The following NUP214 variants were observed in gnomAD, a reference collection of about 807,000 sequenced individuals.
NUP214 encodes nuclear pore complex protein Nup214.
In NUP214, 79 loss-of-function variants were observed where a neutral mutation model predicts 196.2. The ratio of observed to expected loss-of-function variants is 0.40; its 90% confidence interval spans 0.34 to 0.49. NUP214 has a LOEUF of 0.49. Ranked by LOEUF, NUP214 falls within the 20% of genes least tolerant of loss-of-function variation. The pLI, the probability that NUP214 is intolerant of heterozygous loss-of-function variation, is 0.58. For synonymous variants in NUP214, 1,020 were observed against 990.5 expected (o/e 1.03, Z -0.56); for missense variants, 2,468 against 2,539.0 (o/e 0.97, Z 0.60).
At position 131,159,504 on chromosome 9, in the gene NUP214, T is replaced by A. The variant is rs772245164; in HGVS notation, c.2540+18T>A. The A allele has an allele frequency of 1.3e-6, 2 of 1,552,662 alleles. No homozygotes were observed. The highest frequency in any genetic ancestry group is 1.7e-5 in the Admixed American group (1 of 59,822). On this transcript the variant is annotated intron_variant, in intron 18 of 35. Coordinates refer to ENST00000359428, the MANE Select transcript of NUP214 (RefSeq NM_005085.4). Reference sequence around the variant, plus strand: ...AAACAAAGGTGAATGAGATCTCTCATCTGCAATGTGTTGGAATAGATATTG... The same window carrying A: ...AAACAAAGGTGAATGAGATCTCTCAACTGCAATGTGTTGGAATAGATATTG...
chr9:131,134,926 T>C lies in NUP214; in HGVS notation c.860T>C (p.Phe287Ser). 1 of 1,613,834 alleles carries C rather than the reference T, an allele frequency of 6.2e-7. No homozygotes were observed. Among genetic ancestry groups the C allele is most frequent in the South Asian group, 1.1e-5 (1 of 91,074 alleles). ...PKKEEKHPEIFVNFMEPCYGS... is the reference protein window; with the variant it reads ...PKKEEKHPEISVNFMEPCYGS... Reference sequence around the variant, plus strand: ...AAAGAAGAAAAGCACCCAGAGATATTTGTGAACTTTATGGAGCCCTGTTAT... The same window carrying C: ...AAAGAAGAAAAGCACCCAGAGATATCTGTGAACTTTATGGAGCCCTGTTAT... Residue 287 changes from phenylalanine to serine, a missense_variant, in exon 8 of 36, where the codon TTT becomes TCT. By Grantham distance (155) the Phe-to-Ser change is radical. This residue lies in a region of NUP214 where 392 missense variants were observed against 417.9 expected (regional missense o/e 0.94). Transcript: ENST00000359428.
chr9:131,215,102 T>C, intron 30 of NUP214, 110 bp from the exon 31 acceptor site: 1 of 990,406 alleles, frequency 1.0e-6, no homozygotes, highest in Non-Finnish European at 1.4e-6. Flanking sequence ...AGAACTAATC[T>C]TGCTTTTTCC....
At chr9:131,137,278 C>T (rs1393565176) in intron 9 of NUP214, among the ~76,000 whole-genome samples, 2 of 152,152 alleles carry the variant, frequency 1.3e-5, no homozygotes, top group Non-Finnish European at 2.9e-5. Flanking sequence ...ATCACCCCTG[C>T]CCTACCTGTT....
intron 29 of NUP214, among the ~76,000 whole-genome samples, chr9:131,200,856 A>G (rs1484215372): frequency 2.0e-5 from 3 of 151,920 alleles, no homozygotes; most frequent in Non-Finnish European, 4.4e-5. Flanking sequence ...AGAAAGATAA[A>G]CTACCCTGAA....
chr9:131,134,116 T>A (rs1357934707), intron 7 of NUP214, among the ~76,000 whole-genome samples: 1 of 152,164 alleles, frequency 6.6e-6, no homozygotes, highest in Non-Finnish European at 1.5e-5. Flanking sequence ...CCAGCTGTTT[T>A]TAAATTTTTC....
intron 7 of NUP214, among the ~76,000 whole-genome samples, 183 bp from the exon 8 acceptor site, chr9:131,134,715 C>T (rs912820756): frequency 1.8e-4 from 27 of 152,052 alleles, no homozygotes; most frequent in African/African-American, 6.3e-4. Flanking sequence ...AAATGCAGTT[C>T]GGTTGATGGC....
At chr9:131,200,924 A>G (rs1466473180) in intron 29 of NUP214, among the ~76,000 whole-genome samples, 1 of 151,808 alleles carries the variant, frequency 6.6e-6, no homozygotes, top group East Asian at 1.9e-4. Context: ...TCATAATATT[A>G]AGTCATTAGA....
At chr9:131,213,555 A>G (rs1358128951) in intron 30 of NUP214, among the ~76,000 whole-genome samples, 1 of 152,090 alleles carries the variant, frequency 6.6e-6, no homozygotes, top group African/African-American at 2.4e-5. Context: ...TATACTGGCA[A>G]TTTTCTGTGT....
intron 30 of NUP214, among the ~76,000 whole-genome samples, chr9:131,213,751 C>CTGCTGTTGTTGTTGT (rs1554740988): frequency 6.8e-6 from 1 of 147,532 alleles, no homozygotes. Context: ...TGAATTGGTA[C>CTGCTGTTGTTGTTGT]TGTTGTTGTT....
chr9:131,198,262 G>A lies in NUP214; in HGVS notation c.4768G>A (p.Val1590Met), dbSNP rs759638106. The change falls in exon 29 of 36, where the codon GTG becomes ATG. Residue 1590 changes from valine to methionine, a missense_variant. Coordinates refer to ENST00000359428, the MANE Select transcript of NUP214 (RefSeq NM_005085.4). ...AGTACCACCTGCTTCCTCCTTTTCT[G>A]TGCCTGGGCAGACTGCTGTCACAGC... ...EAVPPASSFS[V>M]PGQTAVTAAA... is the part of the protein sequence containing the mutation. 1.2e-6 allele frequency: 2 copies of A among 1,614,182 alleles called. No homozygotes were observed. The highest frequency in any genetic ancestry group is 3.3e-5 in the Admixed American group (2 of 60,022).
In NUP214 at chr9:131,202,580, C is replaced by G. The variant is rs1833969389; in HGVS notation, c.5592+863C>G. Among the ~76,000 whole-genome samples, 4 of 151,798 alleles carry G rather than the reference C, an allele frequency of 2.6e-5. No individual in the cohort carries two copies. The South Asian group carries it at 8.3e-4, about 32-fold the overall frequency. ...CTGGGACTATAGGTTTGTGCCACCA[C>G]ACCCAGCTATTTTTTTTTTTCTTTT... On this transcript the variant is annotated intron_variant, in intron 30 of 35. Coordinates refer to ENST00000359428, the MANE Select transcript of NUP214 (RefSeq NM_005085.4).
Position 131,215,354 on chromosome 9 carries a change from C to T in NUP214, c.5735C>T (p.Ser1912Phe). Residue 1912 changes from serine (S) to phenylalanine (F), a missense_variant, in exon 31 of 36, where the codon TCC (serine) becomes TTC (phenylalanine). This residue lies in a region of NUP214 where 262 missense variants were observed against 296.5 expected (regional missense o/e 0.88). Coordinates refer to ENST00000359428, the MANE Select transcript of NUP214 (RefSeq NM_005085.4). The stretch of plus-strand genomic sequence containing the variant: ...AGCTCGGCCAGTGGGGGCTTTGGAT[C>T]CACAGCTACCTCAAGTAAGTTGAGA... ...PFSSASGGFGSTATSNTSNLF... is the reference protein window; with the variant it reads ...PFSSASGGFGFTATSNTSNLF... 3 of 1,597,524 alleles carry T rather than the reference C, an allele frequency of 1.9e-6. No homozygotes were observed. The highest frequency in any genetic ancestry group is 2.6e-6 in the Non-Finnish European group (3 of 1,172,170).
chr9:131,155,498 C>G (rs1026226753), intron 17 of NUP214, among the ~76,000 whole-genome samples: 2 of 152,108 alleles, frequency 1.3e-5, no homozygotes, highest in Non-Finnish European at 2.9e-5. Flanking sequence ...TAAGTCCCAT[C>G]TATTTACCTT....
rs773190754 is a variant in NUP214 at position 131,163,180 on chromosome 9, A to G, written c.2723+7A>G. 23 of 1,605,726 alleles carry G rather than the reference A, an allele frequency of 1.4e-5. No homozygotes were observed. Among genetic ancestry groups the G allele is most frequent in the Non-Finnish European group, 1.9e-5 (22 of 1,177,316 alleles). ...CCCAGAGCAGCATTCACAGGTGTGG[A>G]GAGGACTTGCACTCAATAAATATGG... On this transcript the variant is annotated splice_region_variant and intron_variant, in intron 19 of 35. Transcript: ENST00000359428.
intron 13 of NUP214, among the ~76,000 whole-genome samples, 164 bp from the exon 14 acceptor site, chr9:131,147,326 A>G (rs1183774421): frequency 6.6e-6 from 1 of 152,158 alleles, no homozygotes; most frequent in Non-Finnish European, 1.5e-5. Flanking sequence ...ATCTTAGAAC[A>G]GAGGCTAGCA....
chr9:131,229,205 A>G (rs760111673), intron 33 of NUP214: 2 of 154,700 alleles, frequency 1.3e-5, no homozygotes, highest in East Asian at 1.9e-4. Flanking sequence ...AAAATAAACT[A>G]TAGTATGTTC....
chr9:131,182,838 A>G (rs995291145), intron 24 of NUP214, among the ~76,000 whole-genome samples: 4 of 151,888 alleles, frequency 2.6e-5, no homozygotes, highest in African/African-American at 9.7e-5. Flanking sequence ...CTATGACTCT[A>G]TTTTAACTTT....
At chr9:131,130,101 A>G (rs1831485473) in intron 4 of NUP214, among the ~76,000 whole-genome samples, 1 of 148,260 alleles carries the variant, frequency 6.7e-6, no homozygotes, top group Non-Finnish European at 1.5e-5. Flanking sequence ...AGCATTTTAA[A>G]TATTAAATGG....
chr9:131,210,519 C>T (rs184497105), intron 30 of NUP214, among the ~76,000 whole-genome samples: 26 of 151,476 alleles, frequency 1.7e-4, no homozygotes, highest in Admixed American at 2.6e-4. Context: ...CCCAGCTACT[C>T]GGGAGGTTGA....
Sources: allele counts gnomAD v4.1 joint callset (sites outside exome capture counted in the v4.1 genomes callset), GRCh38; gene constraint gnomAD v4.1.1; regional missense constraint gnomAD v4.1.1; transcripts MANE v1.5; gene names NCBI Gene and HGNC (gene_info 2026-07-23, HGNC 2026-07-21).